Variants in ZNF131 observed in about 807,000 individuals in gnomAD.
The protein encoded by ZNF131 is zinc finger and BTB domain containing 35.
ZNF131 carries 7 observed loss-of-function variants against 60.0 expected under a neutral mutation model. The ratio of observed to expected loss-of-function variants is 0.12; its 90% CI spans 0.07 to 0.22. The LOEUF (loss-of-function observed/expected upper bound fraction) is 0.22, where lower values mean the gene tolerates loss of function less well. Ranked by LOEUF, ZNF131 falls within the 10% of genes least tolerant of loss-of-function variation. ZNF131 has a pLI of 1.00. For synonymous variants in ZNF131, 257 were observed against 253.2 expected (o/e 1.01, Z -0.14); for missense variants, 493 against 740.9 (o/e 0.67, Z 3.88).
At chr5:43,165,562 G>C (rs1750243874) in intron 5 of ZNF131, among the ~76,000 whole-genome samples, 1 of 152,172 alleles carries the variant, frequency 6.6e-6, no homozygotes, top group African/African-American at 2.4e-5. Flanking sequence ...CTTCTGAGCA[G>C]TAGGTTTCAA....
At chr5:43,169,818 T>C (rs1750762080) in intron 5 of ZNF131, among the ~76,000 whole-genome samples, 1 of 150,256 alleles carries the variant, frequency 6.7e-6, no homozygotes, top group South Asian at 2.1e-4. Flanking sequence ...TGAGACAGAG[T>C]CTGGCACTAT....
chr5:43,173,479 A>C (rs1448081402), intron 6 of ZNF131, 31 bp downstream of exon 6: 1 of 1,598,812 alleles, frequency 6.3e-7, no homozygotes, highest in Admixed American at 1.7e-5. Context: ...TCAGTTCTTA[A>C]CAAAGGAGTC....
rs539288601 is a variant in ZNF131, at chr5:43,163,256, G to C, written c.1054+1325G>C. Among the ~76,000 whole-genome samples the C allele has an allele frequency of 8.5e-5, 13 of 152,200 alleles. No homozygotes were observed. In the South Asian group the frequency reaches 2.7e-3, roughly 32 times the overall value. On this transcript the variant is annotated intron_variant, in intron 5 of 6. Transcript: ENST00000682664. The stretch of plus-strand genomic sequence containing the variant: ...GCCTCCCAAAGTGCTGGGATTACAG[G>C]CATGAGCCACCACATCCGGCCCATG...
At chr5:43,139,110 A>G (rs1414267281) in intron 3 of ZNF131, 55 bp from the exon 4 acceptor site, 6 of 1,366,616 alleles carry the variant, frequency 4.4e-6, no homozygotes, top group African/African-American at 1.5e-5. Context: ...TTTACTAAAC[A>G]TTGTAAGATT....
intron 1 of ZNF131, chr5:43,121,719 C>T (rs1561376840): frequency 1.2e-5 from 2 of 169,196 alleles, no homozygotes; most frequent in Non-Finnish European, 2.5e-5. Flanking sequence ...CGTTAGAGGA[C>T]CGCCACGGCT....
chr5:43,145,844 T>G (rs1457070442), intron 4 of ZNF131, among the ~76,000 whole-genome samples: 1 of 152,170 alleles, frequency 6.6e-6, no homozygotes, highest in African/African-American at 2.4e-5. Context: ...GTTAATAAAT[T>G]CTAGTAGTTA....
intron 5 of ZNF131, among the ~76,000 whole-genome samples, chr5:43,166,803 C>A (rs911924869): frequency 6.6e-6 from 1 of 151,916 alleles, no homozygotes; most frequent in Non-Finnish European, 1.5e-5. Flanking sequence ...TACAGGCACC[C>A]AACACCAGGC....
intron 4 of ZNF131, among the ~76,000 whole-genome samples, chr5:43,157,397 A>G (rs1281555506): frequency 6.6e-6 from 1 of 152,176 alleles, no homozygotes; most frequent in Admixed American, 6.5e-5. Context: ...GGTGCATATT[A>G]TTGTAACTTG....
intron 3 of ZNF131, among the ~76,000 whole-genome samples, chr5:43,137,530 A>T (rs527508557): frequency 6.6e-6 from 1 of 152,310 alleles, no homozygotes; most frequent in Admixed American, 6.5e-5. Flanking sequence ...TGCAAATCAA[A>T]ACCACTATGA....
chr5:43,150,326 C>T (rs1224350092), intron 4 of ZNF131, among the ~76,000 whole-genome samples: 2 of 152,102 alleles, frequency 1.3e-5, no homozygotes, highest in African/African-American at 2.4e-5. Context: ...AAAGATAGTC[C>T]AAAATAAAAG....
At chr5:43,122,289 C>G in intron 2 of ZNF131, 112 bp downstream of exon 2, 1 of 1,303,302 alleles carries the variant, frequency 7.7e-7, no homozygotes, top group Admixed American at 2.6e-5. Context: ...TCTATGGTCT[C>G]CCTACCAAAG....
At chr5:43,155,398 C>T (rs534506904) in intron 4 of ZNF131, among the ~76,000 whole-genome samples, 7 of 152,108 alleles carry the variant, frequency 4.6e-5, no homozygotes, top group Non-Finnish European at 8.8e-5. Flanking sequence ...TTTGGTGTAC[C>T]TTGGGAGCTG....
intron 3 of ZNF131, among the ~76,000 whole-genome samples, chr5:43,136,399 A>G (rs1280843624): frequency 6.6e-6 from 1 of 151,848 alleles, no homozygotes; most frequent in East Asian, 1.9e-4. Context: ...AAGCAGTTCT[A>G]AAATTCATAT....
chr5:43,156,774 C>T (rs1009313356), intron 4 of ZNF131, among the ~76,000 whole-genome samples: 9 of 152,122 alleles, frequency 5.9e-5, no homozygotes, highest in Middle Eastern at 3.2e-3. Context: ...CAGTGGCTCA[C>T]GCCCATAATC....
intron 4 of ZNF131, among the ~76,000 whole-genome samples, chr5:43,140,738 A>G (rs894391953): frequency 1.3e-5 from 2 of 152,134 alleles, no homozygotes; most frequent in Non-Finnish European, 1.5e-5. Context: ...TTTTTTTGAG[A>G]TGGAGTCTTG....
At chr5:43,152,066 C>T (rs1220251026) in intron 4 of ZNF131, among the ~76,000 whole-genome samples, 1 of 151,788 alleles carries the variant, frequency 6.6e-6, no homozygotes, top group Non-Finnish European at 1.5e-5. Context: ...AGTGCAGTGA[C>T]ATGATCTTGG....
chr5:43,155,452 G>GTAGA lies in ZNF131; in HGVS notation c.372-5796_372-5793dup, dbSNP rs1748841449. On this transcript the variant is annotated intron_variant, in intron 4 of 6. Coordinates refer to ENST00000682664, the MANE Select transcript of ZNF131 (RefSeq NM_001330707.2). ...CCAAAACCCAAGTAATAACCGTTGG[G>GTAGA]TAGAGGCTGCCTCCTTTTGCCAGAA... Among the ~76,000 whole-genome samples, 3 of 152,292 alleles carry GTAGA rather than the reference G, an allele frequency of 2.0e-5. No homozygotes were observed. In the South Asian group the frequency reaches 6.2e-4, roughly 32 times the overall value.
Position 43,174,913 on chromosome 5 carries a change from T to C in ZNF131, c.1652T>C (p.Met551Thr), listed in dbSNP as rs1183437909. 2 of 1,614,010 alleles carry C rather than the reference T, an allele frequency of 1.2e-6. No individual in the cohort carries two copies. Among genetic ancestry groups the C allele is most frequent in the Non-Finnish European group, 1.7e-6 (2 of 1,180,040 alleles). Residue 551 changes from methionine to threonine, a missense_variant, in exon 7 of 7, where the codon ATG (methionine) becomes ACG (threonine). Met to Thr is a moderately conservative substitution (Grantham distance 81, BLOSUM62 -1). Coordinates refer to ENST00000682664, the MANE Select transcript of ZNF131 (RefSeq NM_001330707.2). ...CTGCATGTTGAACGGGTCAATCAAA[T>C]GCCAGTGGAAGTACAAACTGAACTT... ...EELHVERVNQMPVEVQTELLE... is the reference protein window; with the variant it reads ...EELHVERVNQTPVEVQTELLE...
intron 3 of ZNF131, chr5:43,124,254 ACTC>A (rs997370827): frequency 2.0e-5 from 3 of 151,970 alleles, no homozygotes; most frequent in Non-Finnish European, 4.4e-5. Context: ...TACTGCAGTA[ACTC>A]CTCCCCTACC....
Sources: gnomAD v4.1 joint callset for allele counts (sites outside exome capture counted in the v4.1 genomes callset) on GRCh38, gnomAD v4.1.1 for gene constraint, MANE v1.5 for transcripts, NCBI Gene and HGNC (gene_info 2026-07-23, HGNC 2026-07-21) for gene names.